MARCHF1: variants seen among roughly 807,000 people sequenced by gnomAD.
The protein encoded by MARCHF1 is membrane associated ring-CH-type finger 1, also known as E3 ubiquitin-protein ligase MARCHF1.
A neutral mutation model predicts 54.2 loss-of-function variants in MARCHF1; 40 were observed. That is an observed-to-expected ratio of 0.74 (90% CI 0.57 to 0.96). The LOEUF (loss-of-function observed/expected upper bound fraction) is 0.96, where lower values mean the gene tolerates loss of function less well. Ranked by LOEUF, MARCHF1 falls within the 40% of genes least tolerant of loss-of-function variation. The probability of loss-of-function intolerance (pLI) is 0.00; values close to 1 mark genes in which losing one functional copy is unlikely to be tolerated. For missense variants in MARCHF1, 586 were observed against 656.5 expected, an observed-to-expected ratio of 0.89 and a Z score of 1.17; for synonymous variants, 236 against 236.3, an observed-to-expected ratio of 1.00 and a Z score of 0.01.
chr4:163,685,581 A>T (rs529096063), intron 5 of MARCHF1, among the ~76,000 whole-genome samples: 3 of 152,102 alleles, frequency 2.0e-5, no homozygotes, highest in Non-Finnish European at 4.4e-5. Flanking sequence ...CAGCCTCCCA[A>T]GCAGCTGGGA....
intron 2 of MARCHF1, among the ~76,000 whole-genome samples, chr4:164,026,116 G>T (rs1753761408): frequency 6.6e-6 from 1 of 151,512 alleles, no homozygotes; most frequent in African/African-American, 2.4e-5. Context: ...ACAAAAAATT[G>T]CTGGACAAGA....
chr4:164,194,021 A>C (rs1479376135), intron 1 of MARCHF1, among the ~76,000 whole-genome samples: 1 of 151,950 alleles, frequency 6.6e-6, no homozygotes, highest in Non-Finnish European at 1.5e-5. Context: ...AGGAAGAATG[A>C]ACTCTCTCTC....
At chr4:163,719,092 A>G (rs965291536) in intron 4 of MARCHF1, among the ~76,000 whole-genome samples, 1 of 152,172 alleles carries the variant, frequency 6.6e-6, no homozygotes, top group Non-Finnish European at 1.5e-5. Context: ...CAGGTTTGTT[A>G]CATACGTATA....
At chr4:163,953,768 C>T (rs1309861985) in intron 3 of MARCHF1, among the ~76,000 whole-genome samples, 3 of 152,094 alleles carry the variant, frequency 2.0e-5, no homozygotes, top group Non-Finnish European at 4.4e-5. Context: ...ATAATAAAAT[C>T]ATGTCAAATT....
At chr4:164,008,845 G>T (rs1414936728) in intron 2 of MARCHF1, among the ~76,000 whole-genome samples, 1 of 151,792 alleles carries the variant, frequency 6.6e-6, no homozygotes, top group East Asian at 1.9e-4. Flanking sequence ...TAAGAAGAGA[G>T]ATTATAGCAA....
At chr4:163,767,491 A>G (rs1033195495) in intron 4 of MARCHF1, among the ~76,000 whole-genome samples, 1 of 151,328 alleles carries the variant, frequency 6.6e-6, no homozygotes, top group African/African-American at 2.4e-5. Context: ...CCGCCACCAC[A>G]CCCAGCTACT....
At chr4:163,727,592 A>G (rs1745699846) in intron 4 of MARCHF1, among the ~76,000 whole-genome samples, 2 of 150,552 alleles carry the variant, frequency 1.3e-5, no homozygotes, top group Admixed American at 1.3e-4. Flanking sequence ...GGCGTGAGCC[A>G]ACGCACCTGG....
intron 4 of MARCHF1, among the ~76,000 whole-genome samples, chr4:163,843,363 T>A (rs1430253032): frequency 6.6e-6 from 1 of 152,100 alleles, no homozygotes; most frequent in Non-Finnish European, 1.5e-5. Flanking sequence ...ACTTTATTTT[T>A]CTTTGGATAT....
intron 1 of MARCHF1, among the ~76,000 whole-genome samples, chr4:164,181,242 ACTCCCACT>A (rs1269609368): frequency 6.6e-6 from 1 of 151,868 alleles, no homozygotes; most frequent in African/African-American, 2.4e-5. Flanking sequence ...TGACTAATTA[ACTCCCACT>A]CTCCCTTCAA....
intron 4 of MARCHF1, among the ~76,000 whole-genome samples, chr4:163,843,583 T>C (rs1488478957): frequency 6.6e-6 from 1 of 151,976 alleles, no homozygotes; most frequent in East Asian, 1.9e-4. Flanking sequence ...GATGCGCAGG[T>C]TTGTTACATA....
At chr4:164,293,834 A>AAT (rs1476349654) in intron 1 of MARCHF1, among the ~76,000 whole-genome samples, 2 of 152,290 alleles carry the variant, frequency 1.3e-5, no homozygotes, top group South Asian at 2.1e-4. Context: ...TGTGGTAGTT[A>AAT]ATATTGAGTG....
chr4:163,751,893 G>A (rs947424067), intron 4 of MARCHF1, among the ~76,000 whole-genome samples: 15 of 150,876 alleles, frequency 9.9e-5, no homozygotes, highest in African/African-American at 3.4e-4. Flanking sequence ...GAAGAGTCAA[G>A]GCCATCTTAA....
chr4:163,980,121 A>G (rs1302465368), intron 3 of MARCHF1, among the ~76,000 whole-genome samples: 9 of 145,040 alleles, frequency 6.2e-5, no homozygotes, highest in Non-Finnish European at 1.5e-5. Flanking sequence ...AAACTTTACT[A>G]CAAGGCTACA....
chr4:163,594,554 C>T (rs997650688), intron 7 of MARCHF1, among the ~76,000 whole-genome samples: 2 of 149,968 alleles, frequency 1.3e-5, no homozygotes, highest in Non-Finnish European at 3.0e-5. Flanking sequence ...TGAGTAGGAA[C>T]CCACTACATA....
chr4:164,033,386 C>A (rs1753919778), intron 2 of MARCHF1, among the ~76,000 whole-genome samples: 1 of 152,120 alleles, frequency 6.6e-6, no homozygotes, highest in Non-Finnish European at 1.5e-5. Flanking sequence ...ATGATGAAAT[C>A]ACCTAAAGCA....
intron 3 of MARCHF1, among the ~76,000 whole-genome samples, chr4:163,873,260 G>A (rs983412261): frequency 6.6e-6 from 1 of 152,142 alleles, no homozygotes; most frequent in Non-Finnish European, 1.5e-5. Context: ...TCAGTGTACT[G>A]GCACTGTTGA....
At chr4:163,963,964 A>G (rs981242029) in intron 3 of MARCHF1, among the ~76,000 whole-genome samples, 1 of 151,876 alleles carries the variant, frequency 6.6e-6, no homozygotes, top group East Asian at 1.9e-4. Context: ...GAGCCCAGTA[A>G]ACCCCCAGAA....
At chr4:163,962,701 T>C (rs1372918972) in intron 3 of MARCHF1, among the ~76,000 whole-genome samples, 1 of 151,954 alleles carries the variant, frequency 6.6e-6, no homozygotes, top group Non-Finnish European at 1.5e-5. Context: ...CGTAGTAATA[T>C]ATTTACAAAA....
At chr4:164,043,935 C>T (rs562689418) in intron 2 of MARCHF1, among the ~76,000 whole-genome samples, 8 of 152,260 alleles carry the variant, frequency 5.3e-5, no homozygotes, top group East Asian at 1.9e-4. Context: ...AGTCTCTTTG[C>T]GAAAGCATAG....
Sources: allele counts gnomAD v4.1 joint callset (sites outside exome capture counted in the v4.1 genomes callset), GRCh38; gene constraint gnomAD v4.1.1; transcripts MANE v1.5; gene names NCBI Gene and HGNC (gene_info 2026-07-23, HGNC 2026-07-21).